FRMD8: variants seen among roughly 807,000 people sequenced by gnomAD.
The protein encoded by FRMD8 is FERM domain-containing protein 8.
In FRMD8, 37 loss-of-function variants were observed where a neutral mutation model predicts 54.2. The ratio of observed to expected loss-of-function variants is 0.68; its 90% CI spans 0.53 to 0.90. The LOEUF (loss-of-function observed/expected upper bound fraction) is 0.90, where lower values mean the gene tolerates loss of function less well. Among genes scored for constraint, FRMD8 ranks in the 40% least tolerant of loss-of-function variants. The pLI is 0.00. For missense variants in FRMD8, 585 were observed against 653.7 expected (o/e 0.89, Z 1.15); for synonymous variants, 246 against 286.9 (o/e 0.86, Z 1.44).
At chr11:65,376,508 C>T in the FRMD8 span, 3 of 1,614,194 alleles carry the variant, frequency 1.9e-6, no homozygotes, top group African/African-American at 1.3e-5. Context: ...AAGAAGACTC[C>T]CAGTCCTTCC....
At chr11:65,379,454 G>T in the FRMD8 span, 1 of 1,614,030 alleles carries the variant, frequency 6.2e-7, no homozygotes, top group African/African-American at 1.3e-5. Context: ...CCTGGTGGGA[G>T]GTGGCCGTGA....
At chr11:65,398,785 T>G (rs1469046927) in intron 7 of FRMD8, among the ~76,000 whole-genome samples, 1 of 152,150 alleles carries the variant, frequency 6.6e-6, no homozygotes, top group Non-Finnish European at 1.5e-5. Flanking sequence ...TCAGCTGAGC[T>G]TGGGGGACAG....
At chr11:65,369,394 G>A in the FRMD8 span, among the ~76,000 whole-genome samples, 1 of 151,360 alleles carries the variant, frequency 6.6e-6, no homozygotes, top group African/African-American at 2.4e-5. Flanking sequence ...AAAACAGCCT[G>A]GGCAACATAA....
At position 65,386,656 on chromosome 11, in the gene FRMD8, C is replaced by G; in HGVS notation, c.-106C>G. ...TTCCGCGTCGCTTCCCGGTCAGCTG[C>G]GTCCTTAGCGGGAGCCCGAGTGCGG... On this transcript the variant is annotated 5_prime_UTR_variant, in exon 1 of 11. Coordinates refer to ENST00000317568, the MANE Select transcript of FRMD8 (RefSeq NM_031904.5). 4 of 238,370 alleles carry G rather than the reference C, an allele frequency of 1.7e-5. 1 individual carries two copies. The highest frequency in any genetic ancestry group is 2.6e-3 in the Middle Eastern group (2 of 780). The allele number at this position is 238,370 out of a possible 1,614,324, so 14.8% of individuals were successfully genotyped here. A position where few individuals can be genotyped will look rare whatever the true frequency, so the allele number is the denominator to read the frequency against.
At chr11:65,390,219 C>T (rs1362323357) in intron 3 of FRMD8, among the ~76,000 whole-genome samples, 1 of 152,094 alleles carries the variant, frequency 6.6e-6, no homozygotes, top group East Asian at 1.9e-4. Flanking sequence ...GATGGAGGGA[C>T]TTAAGGGCGG....
chr11:65,411,661 A>C lies in FRMD8; in HGVS notation c.*301A>C. The C allele has an allele frequency of 3.6e-6, 1 of 278,942 alleles. No homozygotes were observed. 17.3% of individuals were successfully genotyped at this position (278,942 alleles called of 1,614,324 possible). On this transcript the variant is annotated 3_prime_UTR_variant, in exon 11 of 11. Transcript: ENST00000317568. ...CTGCAGCTGCCACCCTCACCTAGAA[A>C]CATGCCTTTGTGCCCACCTCAAGAT...
chr11:65,410,200 CAAAA>C (rs1261677028), intron 10 of FRMD8, among the ~76,000 whole-genome samples: 5 of 151,892 alleles, frequency 3.3e-5, no homozygotes, highest in Non-Finnish European at 2.9e-5. Context: ...CTGTCTCTAC[CAAAA>C]ATACAAAAAT....
chr11:65,379,784 C>G, the FRMD8 span: 1 of 1,548,164 alleles, frequency 6.5e-7, no homozygotes, highest in Non-Finnish European at 8.9e-7. Context: ...AGGAGCAGAA[C>G]CCTGCTGGAG....
At chr11:65,377,015 C>G in the FRMD8 span, 1 of 1,613,942 alleles carries the variant, frequency 6.2e-7, no homozygotes, top group Non-Finnish European at 8.5e-7. Flanking sequence ...TGGCTGGGCC[C>G]TTGGCTCTGT....
chr11:65,410,348 T>G (rs1220224215), intron 10 of FRMD8, among the ~76,000 whole-genome samples: 3 of 150,086 alleles, frequency 2.0e-5, no homozygotes, highest in Non-Finnish European at 4.4e-5. Flanking sequence ...ATACAAAAAT[T>G]AGTGTGCGTG....
At chr11:65,390,771 C>T (rs573003454) in intron 3 of FRMD8, among the ~76,000 whole-genome samples, 4 of 152,330 alleles carry the variant, frequency 2.6e-5, no homozygotes, top group African/African-American at 4.8e-5. Context: ...TGCCTTACCT[C>T]GGGAAGCTCC....
Position 65,411,239 on chromosome 11 carries a change from C to G in FRMD8, c.1277-3C>G. On this transcript the variant is annotated splice_polypyrimidine_tract_variant and splice_region_variant and intron_variant, in intron 10 of 10. Coordinates refer to ENST00000317568, the MANE Select transcript of FRMD8 (RefSeq NM_031904.5). ...CTCAGTGTGCCCTCCCATTCCCTCG[C>G]AGGCAAGGGGATCAGGCGAGTGAAG... The G allele has an allele frequency of 6.2e-7, 1 of 1,603,768 alleles. No individual in the cohort carries two copies. Among genetic ancestry groups the G allele is most frequent in the Non-Finnish European group, 8.5e-7 (1 of 1,175,432 alleles).
intron 9 of FRMD8, among the ~76,000 whole-genome samples, chr11:65,402,207 C>T (rs1377856797): frequency 2.6e-5 from 4 of 151,858 alleles, no homozygotes; most frequent in African/African-American, 4.8e-5. Flanking sequence ...AAAAATTGGC[C>T]GGGTGTGGTG....
At chr11:65,395,868 A>T (rs1855943393) in intron 6 of FRMD8, among the ~76,000 whole-genome samples, 1 of 152,242 alleles carries the variant, frequency 6.6e-6, no homozygotes, top group East Asian at 1.9e-4. Flanking sequence ...CTCCTGCTGC[A>T]GTCTGATTCT....
rs368887157 is a variant in FRMD8 at position 65,389,327 on chromosome 11, G to A, written c.86-34G>A. On this transcript the variant is annotated intron_variant, in intron 2 of 10. Coordinates refer to ENST00000317568, the MANE Select transcript of FRMD8 (RefSeq NM_031904.5). The stretch of plus-strand genomic sequence containing the variant: ...GCCTGGCCTGGCTGTGCCAGGCAGA[G>A]GCCTCAGCTGAGCCTGCCTGGTCTC... The A allele has an allele frequency of 6.4e-5, 103 of 1,603,494 alleles. No individual in the cohort carries two copies. The African/African-American group carries it at 1.1e-3, about 18-fold the overall frequency.
chr11:65,407,758 G>A (rs183662141), intron 10 of FRMD8, among the ~76,000 whole-genome samples: 65 of 151,962 alleles, frequency 4.3e-4, no homozygotes, highest in Middle Eastern at 6.8e-3. Flanking sequence ...TTAGCCAGAC[G>A]TGGTGGTGGG....
rs567473738 is a variant in FRMD8 at position 65,391,518 on chromosome 11, A to AT, written c.253+2000dup. Among the ~76,000 whole-genome samples, 247 of 149,730 alleles carry AT rather than the reference A, an allele frequency of 1.6e-3. 1 individual carries two copies. In the South Asian group the frequency reaches 0.027, roughly 17 times the overall value. ...TAATTTAACTTAATTTTATTTATTT[A>AT]TTTTTTTTTTGAGACAGAGTCTCAC... On this transcript the variant is annotated intron_variant, in intron 3 of 10. Coordinates refer to ENST00000317568, the MANE Select transcript of FRMD8 (RefSeq NM_031904.5).
chr11:65,407,660 G>A (rs1856231973), intron 10 of FRMD8, among the ~76,000 whole-genome samples: 1 of 151,956 alleles, frequency 6.6e-6, no homozygotes, highest in African/African-American at 2.4e-5. Context: ...GGAGGCCAAG[G>A]TGGGCAGATC....
chr11:65,397,740 C>T (rs898585845), intron 7 of FRMD8, among the ~76,000 whole-genome samples: 3 of 152,174 alleles, frequency 2.0e-5, no homozygotes, highest in Non-Finnish European at 4.4e-5. Flanking sequence ...GAGACAGGGT[C>T]TTGCTCTGTC....
Sources: gnomAD v4.1 joint callset for allele counts (sites outside exome capture counted in the v4.1 genomes callset) on GRCh38, gnomAD v4.1.1 for gene constraint, MANE v1.5 for transcripts, NCBI Gene and HGNC (gene_info 2026-07-23, HGNC 2026-07-21) for gene names.